Variants in PIK3C2G observed in about 807,000 individuals in gnomAD.
PIK3C2G encodes phosphatidylinositol 3-kinase C2 domain-containing subunit gamma.
PIK3C2G carries 168 observed loss-of-function variants against 181.1 expected under a neutral mutation model. The ratio of observed to expected loss-of-function variants is 0.93; its 90% confidence interval spans 0.82 to 1.05. The LOEUF is 1.05. PIK3C2G is among the 50% of genes least tolerant of loss of function. PIK3C2G has a pLI of 0.00. For missense variants in PIK3C2G, 1,869 were observed against 1,732.8 expected (o/e 1.08, Z -1.40); for synonymous variants, 573 against 592.2 (o/e 0.97, Z 0.47).
intron 18 of PIK3C2G, among the ~76,000 whole-genome samples, chr12:18,448,232 G>A (rs911783904): frequency 1.4e-4 from 22 of 151,942 alleles, no homozygotes; most frequent in Admixed American, 9.8e-4. Flanking sequence ...TGTATGTTTT[G>A]TAATGGAATA....
At chr12:18,497,918 A>G (rs1280782531) in intron 22 of PIK3C2G, among the ~76,000 whole-genome samples, 170 bp downstream of exon 22, 33 of 152,226 alleles carry the variant, frequency 2.2e-4, no homozygotes, top group Admixed American at 2.2e-3. Flanking sequence ...ATGATAAGCC[A>G]ACAGAATTTA....
chr12:18,604,827 T>A (rs1005486701), intron 30 of PIK3C2G, among the ~76,000 whole-genome samples: 6 of 152,018 alleles, frequency 3.9e-5, no homozygotes, highest in Non-Finnish European at 8.8e-5. Flanking sequence ...AGATGGAAAT[T>A]AAAAAAATTC....
At chr12:18,452,837 AG>A (rs1947437021) in intron 18 of PIK3C2G, among the ~76,000 whole-genome samples, 1 of 152,190 alleles carries the variant, frequency 6.6e-6, no homozygotes. Flanking sequence ...GGAGTCATTC[AG>A]GAGCAGGTTG....
the PIK3C2G span, chr12:18,693,397 A>T: frequency 1.2e-6 from 2 of 1,604,668 alleles, no homozygotes; most frequent in Non-Finnish European, 1.7e-6. Flanking sequence ...CCTCTCACCC[A>T]TCCTGAATAT....
At chr12:18,600,510 A>G (rs899342422) in intron 30 of PIK3C2G, among the ~76,000 whole-genome samples, 1 of 152,050 alleles carries the variant, frequency 6.6e-6, no homozygotes, top group Admixed American at 6.5e-5. Flanking sequence ...CAAAGAAAAC[A>G]CTGGAACAAA....
intron 29 of PIK3C2G, among the ~76,000 whole-genome samples, 151 bp downstream of exon 29, chr12:18,567,208 G>A (rs1945686861): frequency 6.6e-6 from 1 of 151,858 alleles, no homozygotes; most frequent in Admixed American, 6.6e-5. Flanking sequence ...GTCAATCCTG[G>A]GCCACAAAAC....
At chr12:18,493,773 TC>T (rs1165114561) in intron 20 of PIK3C2G, 3 of 152,380 alleles carry the variant, frequency 2.0e-5, no homozygotes, top group African/African-American at 7.2e-5. Context: ...CAGGTATGGC[TC>T]AATTCGTTTC....
chr12:18,515,972 T>A (rs1326580603), intron 24 of PIK3C2G, among the ~76,000 whole-genome samples: 1 of 152,050 alleles, frequency 6.6e-6, no homozygotes, highest in Non-Finnish European at 1.5e-5. Flanking sequence ...TCCTTAAAAA[T>A]TAGTCTTTAT....
intron 26 of PIK3C2G, among the ~76,000 whole-genome samples, chr12:18,551,856 T>C (rs1004155689): frequency 6.6e-6 from 1 of 152,156 alleles, no homozygotes; most frequent in Admixed American, 6.5e-5. Context: ...TCCCTGCTCA[T>C]TGCCCAATAT....
intron 30 of PIK3C2G, among the ~76,000 whole-genome samples, chr12:18,602,846 C>A (rs549349782): frequency 6.6e-6 from 1 of 152,250 alleles, no homozygotes; most frequent in Admixed American, 6.5e-5. Flanking sequence ...TCAAGGAACA[C>A]CCCATGGGAC....
At chr12:18,684,101 T>TA in the PIK3C2G span, 1 of 1,607,630 alleles carries the variant, frequency 6.2e-7, no homozygotes, top group Non-Finnish European at 8.5e-7. Context: ...TAAATGCTGG[T>TA]ACAATCATCT....
chr12:18,422,499 A>G (rs1248694497), intron 17 of PIK3C2G, among the ~76,000 whole-genome samples: 1 of 152,070 alleles, frequency 6.6e-6, no homozygotes, highest in Admixed American at 6.6e-5. Flanking sequence ...TTAAAGCTGT[A>G]AGAAAAGACC....
At chr12:18,324,670 A>G (rs958331421) in intron 7 of PIK3C2G, among the ~76,000 whole-genome samples, 4 of 152,178 alleles carry the variant, frequency 2.6e-5, no homozygotes, top group Non-Finnish European at 5.9e-5. Context: ...TCTCTACAAG[A>G]TATGCCATAC....
At chr12:18,619,558 T>C (rs1174021186) in intron 31 of PIK3C2G, among the ~76,000 whole-genome samples, 1 of 152,108 alleles carries the variant, frequency 6.6e-6, no homozygotes, top group Non-Finnish European at 1.5e-5. Context: ...TTTGGTATGG[T>C]ATATTTTCAT....
chr12:18,621,877 A>G (rs960008383), intron 31 of PIK3C2G, among the ~76,000 whole-genome samples: 1 of 146,136 alleles, frequency 6.8e-6, no homozygotes, highest in Non-Finnish European at 1.5e-5. Context: ...TTAACAATCA[A>G]CACACACACA....
At chr12:18,679,028 A>G in the PIK3C2G span, among the ~76,000 whole-genome samples, 3 of 152,046 alleles carry the variant, frequency 2.0e-5, no homozygotes, top group Non-Finnish European at 4.4e-5. Flanking sequence ...TATTTTAGCA[A>G]TACTAACGAT....
the PIK3C2G span, chr12:18,687,968 A>C: frequency 7.5e-7 from 1 of 1,339,516 alleles, no homozygotes; most frequent in Non-Finnish European, 1.0e-6. Flanking sequence ...AATTTTGGAC[A>C]TAATGGAAAA....
Position 18,647,981 on chromosome 12 carries a change from C to A in PIK3C2G, c.4414C>A (p.Pro1472Thr). The change falls in exon 33 of 33, where the codon CCA becomes ACA. Residue 1472 changes from proline (P) to threonine (T), a missense_variant. By Grantham distance (38) the Pro-to-Thr change is conservative (BLOSUM62 -1). Transcript: ENST00000538779. ...GAINIRLCSVPLDKEKWYPLG... is the reference protein window; with the variant it reads ...GAINIRLCSVTLDKEKWYPLG... Reference sequence around the variant, plus strand: ...AATTAACATCCGACTCTGTAGTGTCCCACTCGATAAAGAAAAATGGTATCC... The same window carrying A: ...AATTAACATCCGACTCTGTAGTGTCACACTCGATAAAGAAAAATGGTATCC... 6.3e-7 allele frequency: 1 copy of A among 1,595,126 alleles called. No homozygotes were observed.
intron 15 of PIK3C2G, among the ~76,000 whole-genome samples, chr12:18,397,490 G>C (rs1439357011): frequency 6.6e-6 from 1 of 151,948 alleles, no homozygotes; most frequent in Admixed American, 6.6e-5. Context: ...CATGAGCAGA[G>C]AGTTCAAACA....
Sources: allele counts gnomAD v4.1 joint callset (sites outside exome capture counted in the v4.1 genomes callset), GRCh38; gene constraint gnomAD v4.1.1; transcripts MANE v1.5; gene names NCBI Gene and HGNC (gene_info 2026-07-23, HGNC 2026-07-21).